CHRM3: variants seen among roughly 807,000 people sequenced by gnomAD.
CHRM3 encodes the protein muscarinic acetylcholine receptor M3.
A neutral mutation model predicts 41.8 loss-of-function variants in CHRM3; 11 were observed. The observed-to-expected ratio is 0.26, with a 90% CI of 0.17 to 0.44. CHRM3 has a LOEUF of 0.44. Among genes scored for constraint, CHRM3 ranks in the 20% least tolerant of loss-of-function variants. CHRM3 has a pLI of 1.00. For synonymous variants in CHRM3, 297 were observed against 301.4 expected (o/e 0.99, Z 0.15); for missense variants, 571 against 745.4 (o/e 0.77, Z 2.72).
rs78586097 is a variant in CHRM3, at chr1:239,911,678, A to G, written c.*2454A>G. On this transcript the variant is annotated 3_prime_UTR_variant, in exon 7 of 7. Coordinates refer to ENST00000676153, the MANE Select transcript of CHRM3 (RefSeq NM_001375978.1). ...ATCCTTGTCCTTTTGTGATGCTAAT[A>G]ATAGCAGAAAAGGAACAAATCCAAG... 0.016 allele frequency: 2,663 copies of G among 167,152 alleles called. 39 individuals carry two copies. The highest frequency in any genetic ancestry group is 0.038 in the South Asian group (183 of 4,826). The allele number at this position is 167,152 out of a possible 1,614,324, so 10.4% of individuals were successfully genotyped here. A position where few individuals can be genotyped will look rare whatever the true frequency, so the allele number is the denominator to read the frequency against.
intron 5 of CHRM3, among the ~76,000 whole-genome samples, chr1:239,756,421 C>T (rs1465866971): frequency 6.6e-6 from 1 of 152,072 alleles, no homozygotes; most frequent in Non-Finnish European, 1.5e-5. Flanking sequence ...TTTATTAACC[C>T]TTAGGTTAAT....
intron 5 of CHRM3, among the ~76,000 whole-genome samples, chr1:239,722,372 A>G (rs1163300229): frequency 2.0e-5 from 3 of 151,926 alleles, no homozygotes; most frequent in Non-Finnish European, 4.4e-5. Flanking sequence ...AGTTAGTTGC[A>G]TGAACAGATA....
At chr1:239,902,017 T>C (rs545251905) in intron 6 of CHRM3, among the ~76,000 whole-genome samples, 1 of 152,148 alleles carries the variant, frequency 6.6e-6, no homozygotes, top group Non-Finnish European at 1.5e-5. Flanking sequence ...AGTGTGTAGG[T>C]CAGTATACCA....
chr1:239,463,852 G>A (rs950283669), intron 1 of CHRM3, among the ~76,000 whole-genome samples: 7 of 151,828 alleles, frequency 4.6e-5, no homozygotes, highest in South Asian at 2.1e-4. Flanking sequence ...TTTTCTCCCC[G>A]CCAGCTCCTG....
intron 3 of CHRM3, among the ~76,000 whole-genome samples, chr1:239,555,037 G>A (rs1660230771): frequency 6.6e-6 from 1 of 152,090 alleles, no homozygotes; most frequent in African/African-American, 2.4e-5. Flanking sequence ...CCTGGTTTAT[G>A]TATTTCTAAT....
chr1:239,483,433 T>C (rs1666990819), intron 1 of CHRM3, among the ~76,000 whole-genome samples: 1 of 152,220 alleles, frequency 6.6e-6, no homozygotes, highest in African/African-American at 2.4e-5. Context: ...CTCTTCACTA[T>C]TGGACTTCCC....
At chr1:239,500,772 A>G (rs1313017955) in intron 2 of CHRM3, among the ~76,000 whole-genome samples, 2 of 152,226 alleles carry the variant, frequency 1.3e-5, no homozygotes, top group African/African-American at 4.8e-5. Context: ...GCAACAGTAC[A>G]TCACATTTCA....
At chr1:239,759,329 C>T (rs1196798449) in intron 5 of CHRM3, among the ~76,000 whole-genome samples, 1 of 146,462 alleles carries the variant, frequency 6.8e-6, no homozygotes, top group Admixed American at 6.8e-5. Flanking sequence ...AAAAAAAAAG[C>T]TACTGTATTA....
At chr1:239,840,110 C>G (rs950173466) in intron 6 of CHRM3, among the ~76,000 whole-genome samples, 32 of 152,338 alleles carry the variant, frequency 2.1e-4, no homozygotes, top group African/African-American at 7.7e-4. Flanking sequence ...CAATCTCACT[C>G]TTCCCCAGAG....
intron 3 of CHRM3, among the ~76,000 whole-genome samples, chr1:239,560,690 G>A (rs1660772975): frequency 6.6e-6 from 1 of 151,762 alleles, no homozygotes; most frequent in Admixed American, 6.6e-5. Context: ...ATATATATGT[G>A]TGTGTGTATA....
chr1:239,575,094 A>G (rs1484040312), intron 3 of CHRM3, among the ~76,000 whole-genome samples: 2 of 152,222 alleles, frequency 1.3e-5, no homozygotes, highest in Admixed American at 6.5e-5. Flanking sequence ...TTTAAATCTC[A>G]TACATCCTAT....
chr1:239,716,079 T>C (rs1345225164), intron 5 of CHRM3, among the ~76,000 whole-genome samples: 1 of 151,594 alleles, frequency 6.6e-6, no homozygotes, highest in Non-Finnish European at 1.5e-5. Flanking sequence ...TGGAGGAAAA[T>C]GTGGAGGGAC....
At chr1:239,444,847 G>GT (rs1558229300) in intron 1 of CHRM3, among the ~76,000 whole-genome samples, 1 of 152,202 alleles carries the variant, frequency 6.6e-6, no homozygotes, top group Non-Finnish European at 1.5e-5. Flanking sequence ...AAAAGGAAGA[G>GT]TGTCTCCCTA....
intron 4 of CHRM3, among the ~76,000 whole-genome samples, chr1:239,657,885 C>T (rs988211078): frequency 6.6e-6 from 1 of 151,836 alleles, no homozygotes; most frequent in Non-Finnish European, 1.5e-5. Flanking sequence ...TCATTCTTCA[C>T]GATTGTTTGG....
At chr1:239,618,722 T>C (rs1325663243) in intron 3 of CHRM3, among the ~76,000 whole-genome samples, 21 of 149,260 alleles carry the variant, frequency 1.4e-4, no homozygotes, top group Admixed American at 7.3e-4. Flanking sequence ...CAGCCACCTG[T>C]AGTCCCAGCT....
At chr1:239,389,515 G>C (rs1473769141) in intron 1 of CHRM3, among the ~76,000 whole-genome samples, 3 of 152,154 alleles carry the variant, frequency 2.0e-5, no homozygotes, top group African/African-American at 4.8e-5. Context: ...TTATAAATTA[G>C]AGTATGTAAA....
intron 3 of CHRM3, among the ~76,000 whole-genome samples, chr1:239,547,048 A>C (rs1659365966): frequency 1.3e-5 from 2 of 152,200 alleles, no homozygotes; most frequent in Admixed American, 6.5e-5. Flanking sequence ...AACCAGGCTT[A>C]TGCAATGAAA....
intron 6 of CHRM3, among the ~76,000 whole-genome samples, chr1:239,839,838 A>G (rs1270658000): frequency 2.0e-5 from 3 of 152,004 alleles, no homozygotes; most frequent in Non-Finnish European, 4.4e-5. Context: ...CTTTTGCATA[A>G]AGCACTGAGA....
At chr1:239,697,615 C>G (rs1660319518) in intron 5 of CHRM3, among the ~76,000 whole-genome samples, 1 of 152,088 alleles carries the variant, frequency 6.6e-6, no homozygotes, top group Non-Finnish European at 1.5e-5. Flanking sequence ...AACCGACATC[C>G]AGCAAAGGAG....
Sources: gnomAD v4.1 joint callset for allele counts (sites outside exome capture counted in the v4.1 genomes callset) on GRCh38, gnomAD v4.1.1 for gene constraint, MANE v1.5 for transcripts, NCBI Gene and HGNC (gene_info 2026-07-23, HGNC 2026-07-21) for gene names.